The following WASF3 variants were observed in gnomAD, a reference collection of about 807,000 sequenced individuals.
WASF3 encodes WASP family member 3.
A neutral mutation model predicts 46.6 loss-of-function variants in WASF3; 11 were observed. That is an observed-to-expected ratio of 0.24 (90% CI 0.15 to 0.39). The LOEUF (loss-of-function observed/expected upper bound fraction) is 0.39, where lower values mean the gene tolerates loss of function less well. Among genes scored for constraint, WASF3 ranks in the 10% least tolerant of loss-of-function variants. The probability of loss-of-function intolerance (pLI) is 1.00; values close to 1 mark genes in which losing one functional copy is unlikely to be tolerated. For synonymous variants in WASF3, 242 were observed against 259.7 expected (o/e 0.93, Z 0.65); for missense variants, 576 against 669.8 (o/e 0.86, Z 1.55).
At chr13:26,545,718 C>T in the WASF3 span, among the ~76,000 whole-genome samples, 1 of 152,150 alleles carries the variant, frequency 6.6e-6, no homozygotes, top group Non-Finnish European at 1.5e-5. Flanking sequence ...TATCCCCTTG[C>T]CTCAGCCTCC....
At chr13:26,582,150 G>T (rs568475749) in intron 1 of WASF3, among the ~76,000 whole-genome samples, 3 of 152,226 alleles carry the variant, frequency 2.0e-5, no homozygotes, top group African/African-American at 7.2e-5. Flanking sequence ...AACAAAGTAG[G>T]TTATACATAA....
upstream of WASF3, among the ~76,000 whole-genome samples, chr13:26,553,026 T>C (rs190616132): frequency 2.0e-3 from 311 of 152,342 alleles, 1 homozygote; most frequent in African/African-American, 7.3e-3. Flanking sequence ...AGAACAAAGA[T>C]GGCACAATTC....
At chr13:26,559,796 C>G (rs370455163) in intron 1 of WASF3, among the ~76,000 whole-genome samples, 2 of 45,594 alleles carry the variant, frequency 4.4e-5, no homozygotes, top group African/African-American at 1.9e-4. Context: ...TCTTTTCTTT[C>G]TTTCTTTCTT....
the WASF3 span, among the ~76,000 whole-genome samples, chr13:26,548,064 T>C: frequency 6.6e-6 from 1 of 152,210 alleles, no homozygotes; most frequent in Admixed American, 6.5e-5. Flanking sequence ...ATTGACCTTA[T>C]TTTAAGTTTT....
At chr13:26,580,615 C>T (rs913661961) in intron 1 of WASF3, among the ~76,000 whole-genome samples, 1 of 136,288 alleles carries the variant, frequency 7.3e-6, no homozygotes, top group Admixed American at 7.8e-5. Context: ...TTTGAAATTT[C>T]TTTTTTCTTT....
At chr13:26,553,934 A>C (rs1319942351), upstream of WASF3, among the ~76,000 whole-genome samples, 1 of 152,012 alleles carries the variant, frequency 6.6e-6, no homozygotes, top group Non-Finnish European at 1.5e-5. Flanking sequence ...ATTTTTCTTT[A>C]CATTGGAAAA....
At chr13:26,564,985 G>A (rs1879417805) in intron 1 of WASF3, among the ~76,000 whole-genome samples, 1 of 125,118 alleles carries the variant, frequency 8.0e-6, no homozygotes, top group African/African-American at 3.0e-5. Flanking sequence ...GCTCTGAGTT[G>A]GCTTTGCAGC....
intron 3 of WASF3, among the ~76,000 whole-genome samples, chr13:26,655,302 C>T (rs929534444): frequency 6.6e-6 from 1 of 152,086 alleles, no homozygotes; most frequent in Non-Finnish European, 1.5e-5. Flanking sequence ...GTCCGTTGGT[C>T]TGGATTTTCT....
At chr13:26,568,564 C>G (rs1052792847) in intron 1 of WASF3, among the ~76,000 whole-genome samples, 3 of 152,078 alleles carry the variant, frequency 2.0e-5, no homozygotes, top group African/African-American at 7.2e-5. Context: ...AGGAATTTTC[C>G]CCACCTGTTA....
At position 26,687,348 on chromosome 13, in the gene WASF3, G is replaced by C. The variant is rs560778082; in HGVS notation, c.*1503G>C. 6.6e-6 allele frequency: 1 copy of C among 152,252 alleles called. No individual in the cohort carries two copies. The highest frequency in any genetic ancestry group is 1.9e-4 in the East Asian group (1 of 5,196). The allele number at this position is 152,252 out of a possible 1,614,324, so 9.4% of individuals were successfully genotyped here. Reference sequence around the variant, plus strand: ...AGCTAAAAGCAGAGATGTTTGAGGTGACGGTAGGAATGTGAGCAGGATGGT... The same window carrying C: ...AGCTAAAAGCAGAGATGTTTGAGGTCACGGTAGGAATGTGAGCAGGATGGT... On this transcript the variant is annotated 3_prime_UTR_variant, in exon 10 of 10. Coordinates refer to ENST00000335327, the MANE Select transcript of WASF3 (RefSeq NM_006646.6).
chr13:26,624,657 C>G (rs963069276), intron 2 of WASF3, among the ~76,000 whole-genome samples: 2 of 151,762 alleles, frequency 1.3e-5, no homozygotes, highest in Non-Finnish European at 2.9e-5. Context: ...TTTTAAGAAC[C>G]CTCCAAGTTC....
At chr13:26,676,490 C>T (rs761748080) in intron 6 of WASF3, 59 bp from the exon 7 acceptor site, 39 of 1,570,064 alleles carry the variant, frequency 2.5e-5, no homozygotes, top group Non-Finnish European at 3.4e-5. Flanking sequence ...CTGCATTTAA[C>T]CAGCTGTTTT....
chr13:26,681,382 T>C, intron 8 of WASF3, 62 bp downstream of exon 8: 1 of 1,488,374 alleles, frequency 6.7e-7, no homozygotes. Flanking sequence ...TTGCTCTATG[T>C]GGTAGGAGAA....
In WASF3 at chr13:26,665,176, T is replaced by A. The variant is rs745605239; in HGVS notation, c.268+14T>A. On this transcript the variant is annotated intron_variant, in intron 4 of 9. Coordinates refer to ENST00000335327, the MANE Select transcript of WASF3 (RefSeq NM_006646.6). ...CAGTGGAAGAGGGTAGGTAATTGCC[T>A]GAAAGCAGTGAGCTAGAAGTGATGT... The A allele has an allele frequency of 1.9e-6, 3 of 1,612,698 alleles. No homozygotes were observed. Among genetic ancestry groups the A allele is most frequent in the Non-Finnish European group, 2.5e-6 (3 of 1,179,864 alleles).
At chr13:26,617,892 GTGTT>G (rs1432703646) in intron 2 of WASF3, among the ~76,000 whole-genome samples, 1 of 152,094 alleles carries the variant, frequency 6.6e-6, no homozygotes, top group East Asian at 1.9e-4. Context: ...GATTTTTTAA[GTGTT>G]TGGTAGTTCC....
intron 1 of WASF3, among the ~76,000 whole-genome samples, chr13:26,583,106 A>G (rs1880032599): frequency 6.6e-6 from 1 of 152,206 alleles, no homozygotes; most frequent in African/African-American, 2.4e-5. Flanking sequence ...CAGTTTGGAC[A>G]GTTACTGTGG....
intron 2 of WASF3, among the ~76,000 whole-genome samples, chr13:26,630,520 TG>T (rs1251923662): frequency 6.6e-6 from 1 of 152,238 alleles, no homozygotes; most frequent in Admixed American, 6.5e-5. Context: ...CAGTATTCCA[TG>T]GTTTATATAT....
At chr13:26,636,192 G>GTT (rs1881813964) in intron 2 of WASF3, among the ~76,000 whole-genome samples, 1 of 152,218 alleles carries the variant, frequency 6.6e-6, no homozygotes, top group African/African-American at 2.4e-5. Context: ...CGGCTGCTTT[G>GTT]TTTACCTACT....
intron 4 of WASF3, among the ~76,000 whole-genome samples, chr13:26,666,321 C>A (rs1445706278): frequency 6.6e-6 from 1 of 152,144 alleles, no homozygotes; most frequent in Admixed American, 6.5e-5. Context: ...TTATGATAAA[C>A]CTTACCCTAG....
Sources: allele counts gnomAD v4.1 joint callset (sites outside exome capture counted in the v4.1 genomes callset), GRCh38; gene constraint gnomAD v4.1.1; transcripts MANE v1.5; gene names NCBI Gene and HGNC (gene_info 2026-07-23, HGNC 2026-07-21).